The following WDFY3 variants were observed in gnomAD, a reference collection of about 807,000 sequenced individuals.
The protein encoded by WDFY3 is WD repeat and FYVE domain containing 3.
In WDFY3, 66 loss-of-function variants were observed where a neutral mutation model predicts 409.6. That is an observed-to-expected ratio of 0.16 (90% confidence interval 0.13 to 0.20). WDFY3 has a LOEUF of 0.20. Among genes scored for constraint, WDFY3 ranks in the 10% least tolerant of loss-of-function variants. The pLI, the probability that WDFY3 is intolerant of heterozygous loss-of-function variation, is 1.00. For synonymous variants in WDFY3, 1,521 were observed against 1,537.1 expected, an observed-to-expected ratio of 0.99 and a Z score of 0.25; for missense variants, 3,031 against 4,298.1, an observed-to-expected ratio of 0.71 and a Z score of 8.24.
chr4:84,852,765 T>C (rs574173157), intron 4 of WDFY3, among the ~76,000 whole-genome samples: 10 of 136,098 alleles, frequency 7.3e-5, no homozygotes, highest in East Asian at 2.0e-4. Context: ...AAACCTCCCC[T>C]TTTTTTTTTT....
intron 4 of WDFY3, among the ~76,000 whole-genome samples, chr4:84,855,434 T>C (rs1759627100): frequency 6.6e-6 from 1 of 152,206 alleles, no homozygotes; most frequent in East Asian, 1.9e-4. Context: ...CCTAAATAGA[T>C]TTCAGAAGAT....
At chr4:84,913,177 G>A (rs1265694592) in intron 2 of WDFY3, among the ~76,000 whole-genome samples, 1 of 151,974 alleles carries the variant, frequency 6.6e-6, no homozygotes, top group Non-Finnish European at 1.5e-5. Flanking sequence ...TCTAAATAAG[G>A]GCATTATAAA....
At chr4:84,727,499 T>C (rs1735858787) in intron 44 of WDFY3, among the ~76,000 whole-genome samples, 1 of 152,170 alleles carries the variant, frequency 6.6e-6, no homozygotes, top group Non-Finnish European at 1.5e-5. Context: ...GTAGACTGGA[T>C]CATCAGCCCC....
intron 3 of WDFY3, among the ~76,000 whole-genome samples, chr4:84,863,939 T>C (rs1761016319): frequency 6.6e-6 from 1 of 152,216 alleles, no homozygotes; most frequent in Non-Finnish European, 1.5e-5. Flanking sequence ...TTAAGATTAC[T>C]GTAGCTTTGT....
intron 3 of WDFY3, among the ~76,000 whole-genome samples, chr4:84,868,121 G>A (rs556241919): frequency 1.6e-5 from 2 of 122,480 alleles, no homozygotes; most frequent in East Asian, 2.9e-4. Context: ...TAAGTGAGCC[G>A]AGATCATGCC....
At chr4:84,749,513 A>T (rs1740116552) in intron 36 of WDFY3, among the ~76,000 whole-genome samples, 1 of 152,222 alleles carries the variant, frequency 6.6e-6, no homozygotes, top group African/African-American at 2.4e-5. Flanking sequence ...CTGCAACTTT[A>T]AGTGAAACAA....
chr4:84,704,384 T>A lies in WDFY3; in HGVS notation c.8396A>T (p.Tyr2799Phe). 1.2e-6 allele frequency: 2 copies of A among 1,613,288 alleles called. No homozygotes were observed. The highest frequency in any genetic ancestry group is 1.7e-6 in the Non-Finnish European group (2 of 1,179,622). Reference protein sequence around the residue: ...HYSSAMIVASYLVRMEPFTQI... With the variant: ...HYSSAMIVASFLVRMEPFTQI... ...TGTGAAAGGCTCCATCCTTACAAGG[T>A]ATGAGGCCACAATCATTGCAGATGA... is the stretch of plus-strand genomic sequence containing the variant. Residue 2799 changes from tyrosine to phenylalanine, a missense_variant, in exon 55 of 68, where the codon TAC becomes TTC. Coordinates refer to ENST00000295888, the MANE Select transcript of WDFY3 (RefSeq NM_014991.6).
intron 56 of WDFY3, among the ~76,000 whole-genome samples, chr4:84,700,641 C>A (rs1314634810): frequency 1.3e-5 from 2 of 152,138 alleles, no homozygotes; most frequent in African/African-American, 2.4e-5. Flanking sequence ...TGTAAGTGGT[C>A]GGTCTGGAAC....
rs764739390 is a variant in WDFY3, at chr4:84,741,768, A to G, written c.6227T>C (p.Ile2076Thr). 1 of 1,609,080 alleles carries G rather than the reference A, an allele frequency of 6.2e-7. No individual in the cohort carries two copies. Among genetic ancestry groups the G allele is most frequent in the East Asian group, 2.2e-5 (1 of 44,754 alleles). ...ATAGTGACAATGGATTACCTGTGCAATTAGTTGAATTATAAAATCTATAAG... is the reference window on the plus strand; with the variant it reads ...ATAGTGACAATGGATTACCTGTGCAGTTAGTTGAATTATAAAATCTATAAG... ...KLLIDFIIQL[I>T]AQSKRRSQGL... Residue 2076 changes from isoleucine (I) to threonine (T), a missense_variant, in exon 38 of 68, where the codon ATT (isoleucine) becomes ACT (threonine). Ile to Thr is a moderately conservative substitution (Grantham distance 89, BLOSUM62 -1). Around this residue, in one of 16 missense-constraint regions of WDFY3, gnomAD observed 314 missense variants for 397.4 expected, o/e 0.79. Transcript: ENST00000295888.
intron 56 of WDFY3, 43 bp from the exon 57 acceptor site, chr4:84,696,866 G>A: frequency 1.3e-6 from 2 of 1,526,280 alleles, no homozygotes; most frequent in Non-Finnish European, 1.8e-6. Context: ...AAGAAAGAAT[G>A]GGATAAATGG....
chr4:84,908,187 G>A (rs1292355370), intron 2 of WDFY3, among the ~76,000 whole-genome samples: 3 of 152,104 alleles, frequency 2.0e-5, no homozygotes, highest in Admixed American at 1.3e-4. Context: ...ATGGAAAACG[G>A]CTCCAAAGGG....
chr4:84,705,345 TA>T (rs1465127684), intron 54 of WDFY3, 48 bp downstream of exon 54: 1 of 1,490,272 alleles, frequency 6.7e-7, no homozygotes, highest in Non-Finnish European at 9.3e-7. Flanking sequence ...CATAATGACT[TA>T]CTTTTGAAAC....
intron 57 of WDFY3, 119 bp from the exon 58 acceptor site, chr4:84,696,301 T>C (rs562844206): frequency 3.0e-5 from 27 of 885,702 alleles, no homozygotes; most frequent in Non-Finnish European, 4.3e-5. Flanking sequence ...AAAAACAACA[T>C]AGTATTCCCC....
intron 13 of WDFY3, among the ~76,000 whole-genome samples, chr4:84,815,763 T>C (rs1464472885): frequency 6.6e-6 from 1 of 152,132 alleles, no homozygotes; most frequent in Non-Finnish European, 1.5e-5. Context: ...TGTCCATCAC[T>C]GGCAAAGTTA....
At chr4:84,907,609 C>G (rs928176681) in intron 2 of WDFY3, among the ~76,000 whole-genome samples, 1 of 152,196 alleles carries the variant, frequency 6.6e-6, no homozygotes, top group African/African-American at 2.4e-5. Flanking sequence ...CCTAGTTAAA[C>G]CACTCCTAAA....
rs767776382 is a variant in WDFY3 at position 84,748,886 on chromosome 4, C to CT, written c.5973+2596dup. Among the ~76,000 whole-genome samples, 613 of 145,188 alleles carry CT rather than the reference C, an allele frequency of 4.2e-3. 3 individuals carry two copies. The highest frequency in any genetic ancestry group is 0.014 in the South Asian group (64 of 4,560). On this transcript the variant is annotated intron_variant, in intron 36 of 67. Transcript: ENST00000295888. Reference sequence around the variant, plus strand: ...AAATATGTAAGATAATTCTCTCTCTCTTTTTTTTTTTTTGAGACAGGGTCT... The same window carrying CT: ...AAATATGTAAGATAATTCTCTCTCTCTTTTTTTTTTTTTTGAGACAGGGTCT...
chr4:84,713,609 A>G lies in WDFY3; in HGVS notation c.7962-370T>C, dbSNP rs1254254485. On this transcript the variant is annotated intron_variant, in intron 50 of 67. Coordinates refer to ENST00000295888, the MANE Select transcript of WDFY3 (RefSeq NM_014991.6). The stretch of plus-strand genomic sequence containing the variant: ...TCACGGGTAATATTACTGTACTGCA[A>G]TGAGAAGCAATGTTGGATGGTTTAG... Among the ~76,000 whole-genome samples, 8 of 152,288 alleles carry G rather than the reference A, an allele frequency of 5.3e-5. No individual in the cohort carries two copies. The East Asian group carries it at 1.5e-3, about 29-fold the overall frequency.
rs545926412 is a variant in WDFY3, at chr4:84,833,222, C to G, written c.577-1617G>C. 3.3e-5 allele frequency among the ~76,000 whole-genome samples: 5 copies of G among 152,186 alleles called. No individual in the cohort carries two copies. The South Asian group carries it at 1.0e-3, about 32-fold the overall frequency. ...CTCAATGGGCTCTTTCTTCTAATAC[C>G]AGTTCAGGTTAGGAAAAGTTAACTT... On this transcript the variant is annotated intron_variant, in intron 7 of 67. Coordinates refer to ENST00000295888, the MANE Select transcript of WDFY3 (RefSeq NM_014991.6).
In WDFY3 at chr4:84,692,778, T is replaced by A. The variant is rs533424162; in HGVS notation, c.9049+107A>T. 3.7e-4 allele frequency: 395 copies of A among 1,070,150 alleles called. 5 individuals carry two copies. The South Asian group carries it at 6.4e-3, about 17-fold the overall frequency. The allele number at this position is 1,070,150 out of a possible 1,614,324, so 66.3% of individuals were successfully genotyped here. ...TCTAACACAAAATGTATGGCACTTA[T>A]TAAACAAATTATGCTATCGTCAAAA... On this transcript the variant is annotated intron_variant, in intron 59 of 67. Coordinates refer to ENST00000295888, the MANE Select transcript of WDFY3 (RefSeq NM_014991.6).
Sources: gnomAD v4.1 joint callset for allele counts (sites outside exome capture counted in the v4.1 genomes callset) on GRCh38, gnomAD v4.1.1 for gene constraint, gnomAD v4.1.1 regional missense constraint, MANE v1.5 for transcripts, NCBI Gene and HGNC (gene_info 2026-07-23, HGNC 2026-07-21) for gene names.